The following SLC35F4 variants were observed in gnomAD, a reference collection of about 807,000 sequenced individuals.
SLC35F4 encodes solute carrier family 35 member F4, also known as chromosome 14 open reading frame 36.
A neutral mutation model predicts 44.2 loss-of-function variants in SLC35F4; 24 were observed. The ratio of observed to expected loss-of-function variants is 0.54; its 90% CI spans 0.39 to 0.76. The LOEUF (loss-of-function observed/expected upper bound fraction) is 0.76. Ranked by LOEUF, SLC35F4 falls within the 30% of genes least tolerant of loss-of-function variation. The probability of loss-of-function intolerance (pLI) is 0.00; values close to 1 mark genes in which losing one functional copy is unlikely to be tolerated. For synonymous variants in SLC35F4, 238 were observed against 223.6 expected, an observed-to-expected ratio of 1.06 and a Z score of -0.57; for missense variants, 562 against 586.1, an observed-to-expected ratio of 0.96 and a Z score of 0.42.
chr14:57,816,173 T>C (rs1882566199), intron 1 of SLC35F4, among the ~76,000 whole-genome samples: 1 of 152,216 alleles, frequency 6.6e-6, no homozygotes, highest in African/African-American at 2.4e-5. Context: ...ATCTCTCTCT[T>C]AATTGTCATT....
chr14:57,769,335 G>A (rs377030291), intron 1 of SLC35F4, among the ~76,000 whole-genome samples: 4 of 151,902 alleles, frequency 2.6e-5, no homozygotes, highest in Admixed American at 2.0e-4. Context: ...AAGACCTAAC[G>A]TGCATGTTTT....
At chr14:57,590,449 A>G (rs949844354) in intron 2 of SLC35F4, among the ~76,000 whole-genome samples, 1 of 152,114 alleles carries the variant, frequency 6.6e-6, no homozygotes, top group African/African-American at 2.4e-5. Flanking sequence ...GAATAGAGCA[A>G]GTCCTGACTA....
Position 57,925,523 on chromosome 14 carries a change from G to A in SLC35F4, n.282+56390C>T, listed in dbSNP as rs369916737. On this transcript the variant is annotated intron_variant and non_coding_transcript_variant, in intron 1 of 1. Transcript: ENST00000556568. Reference sequence around the variant, plus strand: ...GGAGGGAGGGAGGGAGGGAGGGAGGGAGGGAGGGAGGGAGGGAGGGAGGAA... The same window carrying A: ...GGAGGGAGGGAGGGAGGGAGGGAGGAAGGGAGGGAGGGAGGGAGGGAGGAA... Among the ~76,000 whole-genome samples the A allele has an allele frequency of 2.9e-3, 287 of 100,178 alleles. 1 individual carries two copies. Among genetic ancestry groups the A allele is most frequent in the Middle Eastern group, 5.6e-3 (1 of 180 alleles). The allele number at this position is 100,178 out of a possible 152,430, so 65.7% of individuals were successfully genotyped here. A position where few individuals can be genotyped will look rare whatever the true frequency, so the allele number is the denominator to read the frequency against.
At chr14:57,785,960 A>G (rs2077746806) in intron 1 of SLC35F4, among the ~76,000 whole-genome samples, 1 of 152,118 alleles carries the variant, frequency 6.6e-6, no homozygotes, top group Non-Finnish European at 1.5e-5. Flanking sequence ...TGCAGACTCC[A>G]CAGGCAGGGG....
chr14:57,937,074 T>TTTC (rs2141069726), intron 1 of SLC35F4, among the ~76,000 whole-genome samples: 1 of 151,644 alleles, frequency 6.6e-6, no homozygotes, highest in Non-Finnish European at 1.5e-5. Context: ...CTTTTTTTTT[T>TTTC]TTTTCTTTTT....
At chr14:57,964,857 T>A (rs1055285668) in intron 1 of SLC35F4, among the ~76,000 whole-genome samples, 8 of 151,794 alleles carry the variant, frequency 5.3e-5, no homozygotes, top group Admixed American at 5.3e-4. Flanking sequence ...TTGGAGAAGG[T>A]CTTTGTATAA....
chr14:57,685,761 C>G (rs533302401), intron 1 of SLC35F4, among the ~76,000 whole-genome samples: 4 of 152,226 alleles, frequency 2.6e-5, no homozygotes, highest in African/African-American at 9.6e-5. Flanking sequence ...ACTAAACAAC[C>G]CTCAAATTGA....
rs72624738 is a variant in SLC35F4, at chr14:57,892,817, C to A, written n.282+89096G>T. 0.03 allele frequency among the ~76,000 whole-genome samples: 4,587 copies of A among 152,180 alleles called. 441 individuals are homozygous for A. In the East Asian group the frequency reaches 0.39, roughly 13 times the overall value. ...CCAGGATCTCTAGGTCATTTTCTTT[C>A]TCCACAAATAACCAACAAAAAAAAA... On this transcript the variant is annotated intron_variant and non_coding_transcript_variant, in intron 1 of 1. Transcript: ENST00000556568.
upstream of SLC35F4, among the ~76,000 whole-genome samples, chr14:57,982,669 C>T (rs1266615488): frequency 1.3e-5 from 2 of 151,970 alleles, no homozygotes; most frequent in South Asian, 2.1e-4. Context: ...CTGGTGGGGT[C>T]GTTAAATCTC....
intron 1 of SLC35F4, among the ~76,000 whole-genome samples, chr14:57,971,601 C>T (rs1881054580): frequency 6.6e-6 from 1 of 152,092 alleles, no homozygotes; most frequent in Non-Finnish European, 1.5e-5. Context: ...ACTGGATGAA[C>T]CTGGAGGACT....
chr14:57,755,602 T>C (rs17093648), intron 1 of SLC35F4, among the ~76,000 whole-genome samples: 35,869 of 152,138 alleles, frequency 0.24, 4,383 homozygotes, highest in South Asian at 0.29. Flanking sequence ...TCCATTGACA[T>C]TTTAATTATG....
chr14:57,721,273 A>C, intron 1 of SLC35F4, among the ~76,000 whole-genome samples: 1 of 152,022 alleles, frequency 6.6e-6, no homozygotes, highest in Non-Finnish European at 1.5e-5. Flanking sequence ...GAGTTATGCA[A>C]AATAAATGCA....
At chr14:57,895,586 C>T (rs192853617) in intron 1 of SLC35F4, among the ~76,000 whole-genome samples, 4 of 151,386 alleles carry the variant, frequency 2.6e-5, no homozygotes, top group Admixed American at 6.6e-5. Flanking sequence ...CTCTCACTCT[C>T]TCTCTCTCTC....
chr14:57,761,545 T>G (rs1002250311), intron 1 of SLC35F4, among the ~76,000 whole-genome samples: 1 of 152,204 alleles, frequency 6.6e-6, no homozygotes, highest in African/African-American at 2.4e-5. Flanking sequence ...TGCACTGATT[T>G]GTAAAATATC....
At chr14:57,619,877 C>T (rs550063200) in intron 1 of SLC35F4, among the ~76,000 whole-genome samples, 5 of 151,836 alleles carry the variant, frequency 3.3e-5, no homozygotes, top group Admixed American at 2.0e-4. Context: ...AAACACAGCA[C>T]GAGAATTTCG....
chr14:57,689,394 G>T (rs920087384), intron 1 of SLC35F4, among the ~76,000 whole-genome samples: 1 of 151,880 alleles, frequency 6.6e-6, no homozygotes, highest in Non-Finnish European at 1.5e-5. Flanking sequence ...TCCAAGAGTC[G>T]CCCAAGAAAG....
intron 1 of SLC35F4, among the ~76,000 whole-genome samples, chr14:57,952,502 G>A (rs945743922): frequency 6.6e-6 from 1 of 152,006 alleles, no homozygotes; most frequent in Admixed American, 6.6e-5. Context: ...AGCTAAAGGA[G>A]CATGTTCTAA....
In SLC35F4 at chr14:57,940,138, TGAATA is replaced by T; in HGVS notation, n.282+41770_282+41774del. Among the ~76,000 whole-genome samples, 3 of 152,262 alleles carry T rather than the reference TGAATA, an allele frequency of 2.0e-5. No individual in the cohort carries two copies. The Middle Eastern group carries it at 0.01, about 518-fold the overall frequency. On this transcript the variant is annotated intron_variant and non_coding_transcript_variant, in intron 1 of 1. Transcript: ENST00000556568. ...TTTTCTGTAGAGTTAGGAAAGGGTG[TGAATA>T]GAATAGAAGATGAAGTCTACAGACA...
intron 1 of SLC35F4, among the ~76,000 whole-genome samples, chr14:57,890,643 C>A (rs1283060521): frequency 6.6e-6 from 1 of 152,020 alleles, no homozygotes; most frequent in Non-Finnish European, 1.5e-5. Context: ...GCTCTTTTTC[C>A]CAATGTTCTC....
Sources: allele counts gnomAD v4.1 joint callset (sites outside exome capture counted in the v4.1 genomes callset), GRCh38; gene constraint gnomAD v4.1.1; transcripts MANE v1.5; gene names NCBI Gene and HGNC (gene_info 2026-07-23, HGNC 2026-07-21).